MKRN1: variants seen among roughly 807,000 people sequenced by gnomAD.
MKRN1 encodes makorin ring finger protein 1.
In MKRN1, 9 loss-of-function variants were observed where a neutral mutation model predicts 55.5. The observed-to-expected ratio is 0.16, with a 90% CI of 0.10 to 0.28. The LOEUF (loss-of-function observed/expected upper bound fraction) is 0.28, where lower values mean the gene tolerates loss of function less well. Among genes scored for constraint, MKRN1 ranks in the 10% least tolerant of loss-of-function variants. MKRN1 has a pLI of 1.00. For synonymous variants in MKRN1, 253 were observed against 235.9 expected, an observed-to-expected ratio of 1.07 and a Z score of -0.66; for missense variants, 488 against 626.7, an observed-to-expected ratio of 0.78 and a Z score of 2.36.
At chr7:140,474,035 AAGAAAG>A (rs1795035601) in intron 1 of MKRN1, among the ~76,000 whole-genome samples, 1 of 92,860 alleles carries the variant, frequency 1.1e-5, no homozygotes, top group Admixed American at 9.0e-5. Flanking sequence ...GAAAGAAAGA[AAGAAAG>A]AAAGAAAGAA....
chr7:140,463,637 G>A (rs890922056), intron 2 of MKRN1, among the ~76,000 whole-genome samples: 2 of 152,092 alleles, frequency 1.3e-5, no homozygotes, highest in African/African-American at 4.8e-5. Context: ...TGTAATCCCA[G>A]CACTTTGGGA....
chr7:140,468,875 A>C (rs2130324669), intron 2 of MKRN1, among the ~76,000 whole-genome samples: 1 of 151,296 alleles, frequency 6.6e-6, no homozygotes, highest in Admixed American at 6.6e-5. Flanking sequence ...CTACACAGTC[A>C]TTTGAAAAAG....
intron 2 of MKRN1, among the ~76,000 whole-genome samples, chr7:140,468,722 A>AAAAAAAAAAAC: frequency 6.6e-6 from 1 of 151,212 alleles, no homozygotes; most frequent in African/African-American, 2.4e-5. Flanking sequence ...AAAAAAAAAA[A>AAAAAAAAAAAC]AAAGACATGC....
intron 6 of MKRN1, 135 bp downstream of exon 6, chr7:140,455,655 G>A (rs1563085661): frequency 2.9e-6 from 2 of 679,942 alleles, no homozygotes; most frequent in Non-Finnish European, 5.1e-6. Flanking sequence ...TTATCAGGGT[G>A]ACAAAATAAA....
intron 2 of MKRN1, among the ~76,000 whole-genome samples, chr7:140,464,637 G>A (rs1398730469): frequency 2.6e-5 from 4 of 151,748 alleles, no homozygotes; most frequent in Non-Finnish European, 5.9e-5. Flanking sequence ...CCTGGGAGGC[G>A]GAGGTTGCAG....
At chr7:140,456,986 A>C in intron 4 of MKRN1, 120 bp from the exon 5 acceptor site, 1 of 1,033,212 alleles carries the variant, frequency 9.7e-7, no homozygotes. Flanking sequence ...AATGTTCCCA[A>C]GCTGACACGA....
chr7:140,479,480 T>TA lies in MKRN1; in HGVS notation c.-137dup. 2.1e-6 allele frequency: 2 copies of TA among 934,126 alleles called. No individual in the cohort carries two copies. Among genetic ancestry groups the TA allele is most frequent in the Non-Finnish European group, 2.8e-6 (2 of 712,064 alleles). The allele number at this position is 934,126 out of a possible 1,614,324, so 57.9% of individuals were successfully genotyped here. ...AGGCACCCGTTCGGTCCCCGCCTGC[T>TA]ACGCGTCGCGTATCTGAGCGCTCTC... On this transcript the variant is annotated 5_prime_UTR_variant, in exon 1 of 8. Transcript: ENST00000255977.
intron 4 of MKRN1, 119 bp downstream of exon 4, chr7:140,458,888 C>T (rs368309724): frequency 3.4e-5 from 37 of 1,087,662 alleles, no homozygotes; most frequent in Admixed American, 1.6e-4. Context: ...GAAAACTTCC[C>T]TACTCACTGA....
At chr7:140,464,659 C>G (rs777780424) in intron 2 of MKRN1, among the ~76,000 whole-genome samples, 2 of 151,728 alleles carry the variant, frequency 1.3e-5, no homozygotes, top group Non-Finnish European at 2.9e-5. Flanking sequence ...GAGCCAAGAT[C>G]GTGCCATTGC....
chr7:140,474,938 C>CG (rs1310952399), intron 1 of MKRN1, among the ~76,000 whole-genome samples: 4 of 151,808 alleles, frequency 2.6e-5, no homozygotes, highest in Non-Finnish European at 5.9e-5. Context: ...AGGCTGGTCT[C>CG]GAACTCCTGA....
In MKRN1 at chr7:140,453,209, C is replaced by T. The variant is rs2130229065; in HGVS notation, c.*1308G>A. On this transcript the variant is annotated 3_prime_UTR_variant, in exon 8 of 8. Coordinates refer to ENST00000255977, the MANE Select transcript of MKRN1 (RefSeq NM_013446.4). ...TAGATGGACAAACCAGGAGCATCCCCGAGTTATTTTCAGGAAACAGAGCAA... is the reference window on the plus strand; with the variant it reads ...TAGATGGACAAACCAGGAGCATCCCTGAGTTATTTTCAGGAAACAGAGCAA... 1 of 152,620 alleles carries T rather than the reference C, an allele frequency of 6.6e-6. No homozygotes were observed. The highest frequency in any genetic ancestry group is 6.5e-5 in the Admixed American group (1 of 15,274). 9.5% of individuals were successfully genotyped at this position (152,620 alleles called of 1,614,324 possible).
At chr7:140,472,829 A>G (rs951086032) in intron 1 of MKRN1, among the ~76,000 whole-genome samples, 1 of 151,890 alleles carries the variant, frequency 6.6e-6, no homozygotes, top group Admixed American at 6.6e-5. Flanking sequence ...CAAAAAGAAA[A>G]AAAAAGGGCC....
At chr7:140,465,493 C>T (rs1306821655) in intron 2 of MKRN1, among the ~76,000 whole-genome samples, 2 of 152,026 alleles carry the variant, frequency 1.3e-5, no homozygotes, top group African/African-American at 4.8e-5. Flanking sequence ...AAGAAGTCAA[C>T]CAAGCCAATA....
intron 2 of MKRN1, chr7:140,460,180 G>C: frequency 2.2e-6 from 1 of 455,958 alleles, no homozygotes; most frequent in South Asian, 2.0e-5. Context: ...CCAGGAGACA[G>C]AGGTTGTGGT....
At position 140,466,844 on chromosome 7, in the gene MKRN1, A is replaced by G. The variant is rs1272354394; in HGVS notation, c.314+5039T>C. Among the ~76,000 whole-genome samples, 9 of 151,674 alleles carry G rather than the reference A, an allele frequency of 5.9e-5. No individual in the cohort carries two copies. The East Asian group carries it at 1.5e-3, about 26-fold the overall frequency. On this transcript the variant is annotated intron_variant, in intron 2 of 7. Coordinates refer to ENST00000255977, the MANE Select transcript of MKRN1 (RefSeq NM_013446.4). ...AAAAAAAAAAAAAAAGAATAAAAAA[A>G]CTTAGCTGGAGGTGGTGGTTGCAGT...
At chr7:140,467,423 A>G (rs1585483084) in intron 2 of MKRN1, among the ~76,000 whole-genome samples, 1 of 152,128 alleles carries the variant, frequency 6.6e-6, no homozygotes, top group African/African-American at 2.4e-5. Flanking sequence ...GATTACTGAC[A>G]CGTGCCACCA....
chr7:140,475,237 G>C (rs1208390872), intron 1 of MKRN1: 2 of 430,186 alleles, frequency 4.6e-6, no homozygotes, highest in Non-Finnish European at 9.3e-6. Context: ...CAGCTTCTCG[G>C]AAGGCTGAGG....
intron 1 of MKRN1, 42 bp downstream of exon 1, chr7:140,479,118 G>T: frequency 1.5e-6 from 2 of 1,293,576 alleles, no homozygotes; most frequent in African/African-American, 1.6e-5. Context: ...TTGGCCCGCG[G>T]CCCCCTCCCC....
chr7:140,458,313 A>G (rs1158740842), intron 4 of MKRN1, among the ~76,000 whole-genome samples: 2 of 152,364 alleles, frequency 1.3e-5, no homozygotes, highest in South Asian at 2.1e-4. Flanking sequence ...TACAAAGACA[A>G]TAATTCAGCC....
Sources: gnomAD v4.1 joint callset for allele counts (sites outside exome capture counted in the v4.1 genomes callset) on GRCh38, gnomAD v4.1.1 for gene constraint, MANE v1.5 for transcripts, NCBI Gene and HGNC (gene_info 2026-07-23, HGNC 2026-07-21) for gene names.